The following MAN1A1 variants were observed in gnomAD, a reference collection of about 807,000 sequenced individuals.
MAN1A1 encodes the protein mannosidase alpha class 1A member 1, also known as mannosyl-oligosaccharide 1,2-alpha-mannosidase IA.
MAN1A1 carries 29 observed loss-of-function variants against 70.8 expected under a neutral mutation model. That is an observed-to-expected ratio of 0.41 (90% CI 0.31 to 0.56). The LOEUF (loss-of-function observed/expected upper bound fraction) is 0.56, where lower values mean the gene tolerates loss of function less well. MAN1A1 is among the 20% of genes least tolerant of loss of function. MAN1A1 has a pLI of 0.29. For synonymous variants in MAN1A1, 349 were observed against 330.1 expected (o/e 1.06, Z -0.62); for missense variants, 747 against 841.3 (o/e 0.89, Z 1.39).
At chr6:119,280,145 C>G (rs905902343) in intron 5 of MAN1A1, among the ~76,000 whole-genome samples, 4 of 152,200 alleles carry the variant, frequency 2.6e-5, no homozygotes, top group African/African-American at 4.8e-5. Flanking sequence ...ATGCCCTGGA[C>G]AATCTTACTC....
chr6:119,313,019 A>G (rs1772753158), intron 2 of MAN1A1, among the ~76,000 whole-genome samples: 1 of 152,140 alleles, frequency 6.6e-6, no homozygotes, highest in South Asian at 2.1e-4. Flanking sequence ...ACCTCCTCAG[A>G]GTCCTCCTAG....
intron 11 of MAN1A1, among the ~76,000 whole-genome samples, chr6:119,182,527 T>G (rs953669017): frequency 6.6e-6 from 1 of 152,016 alleles, no homozygotes; most frequent in Non-Finnish European, 1.5e-5. Context: ...AGTTGTTTTT[T>G]TTTTTGTGCT....
intron 6 of MAN1A1, among the ~76,000 whole-genome samples, chr6:119,230,563 T>G (rs61362597): frequency 1.3e-5 from 2 of 152,220 alleles, no homozygotes; most frequent in African/African-American, 4.8e-5. Context: ...ACACATCCCC[T>G]TGATCCCAGC....
chr6:119,328,756 A>G (rs1407520366), intron 2 of MAN1A1, among the ~76,000 whole-genome samples: 1 of 152,214 alleles, frequency 6.6e-6, no homozygotes, highest in East Asian at 1.9e-4. Context: ...TTCATCACAT[A>G]ATGAAGCAGC....
At chr6:119,252,430 G>A (rs901226628) in intron 5 of MAN1A1, among the ~76,000 whole-genome samples, 2 of 152,170 alleles carry the variant, frequency 1.3e-5, no homozygotes, top group African/African-American at 4.8e-5. Context: ...AGGCAGCGGA[G>A]ACAACCTACA....
At chr6:119,346,280 T>C (rs1392522338) in intron 2 of MAN1A1, among the ~76,000 whole-genome samples, 1 of 152,234 alleles carries the variant, frequency 6.6e-6, no homozygotes, top group African/African-American at 2.4e-5. Context: ...GCCAAATATT[T>C]ACAGCACAGT....
At chr6:119,238,619 G>C (rs1312420971) in intron 6 of MAN1A1, among the ~76,000 whole-genome samples, 1 of 152,100 alleles carries the variant, frequency 6.6e-6, no homozygotes, top group Non-Finnish European at 1.5e-5. Flanking sequence ...CCTATTACTT[G>C]ATCAGTTTTG....
intron 5 of MAN1A1, among the ~76,000 whole-genome samples, chr6:119,281,668 C>T (rs1776227936): frequency 1.3e-5 from 2 of 152,156 alleles, no homozygotes; most frequent in Admixed American, 1.3e-4. Context: ...TGAATGATAA[C>T]ACAGGTCTAT....
chr6:119,271,016 A>G (rs531081458), intron 5 of MAN1A1, among the ~76,000 whole-genome samples: 1 of 152,286 alleles, frequency 6.6e-6, no homozygotes, highest in Admixed American at 6.5e-5. Flanking sequence ...ATAGAACACA[A>G]TATTTTTCCA....
intron 2 of MAN1A1, among the ~76,000 whole-genome samples, chr6:119,332,569 C>A (rs1218969119): frequency 6.6e-6 from 1 of 152,162 alleles, no homozygotes; most frequent in Non-Finnish European, 1.5e-5. Flanking sequence ...GTAATCCCAG[C>A]GCTTTGGGAG....
chr6:119,221,472 CTTTT>C (rs5879491), intron 6 of MAN1A1, among the ~76,000 whole-genome samples: 15 of 130,388 alleles, frequency 1.2e-4, no homozygotes, highest in African/African-American at 2.9e-4. Context: ...ATTTTCTTTT[CTTTT>C]TTTTTTTTTT....
At chr6:119,223,229 C>T (rs1007494181) in intron 6 of MAN1A1, among the ~76,000 whole-genome samples, 2 of 152,112 alleles carry the variant, frequency 1.3e-5, no homozygotes, top group Non-Finnish European at 2.9e-5. Context: ...AAAGCTCCTA[C>T]TCATTCTACT....
At chr6:119,235,355 A>T (rs555374993) in intron 6 of MAN1A1, among the ~76,000 whole-genome samples, 1 of 152,226 alleles carries the variant, frequency 6.6e-6, no homozygotes, top group Non-Finnish European at 1.5e-5. Flanking sequence ...TAAGAACGCA[A>T]AACAGCCTTA....
chr6:119,317,520 G>A (rs1221363077), intron 2 of MAN1A1, among the ~76,000 whole-genome samples: 2 of 152,084 alleles, frequency 1.3e-5, no homozygotes, highest in Admixed American at 1.3e-4. Flanking sequence ...TTAGCAACAT[G>A]CATTTAAGGT....
Position 119,178,918 on chromosome 6 carries a change from CA to C in MAN1A1, c.*900del, listed in dbSNP as rs1773075187. ...AAATACAAACAAGTGAACTAAAAGC[CA>C]TATGAAATACCCTCTCTTTAGACAG... On this transcript the variant is annotated 3_prime_UTR_variant, in exon 13 of 13. Transcript: ENST00000368468. 6.6e-6 allele frequency: 1 copy of C among 152,026 alleles called. No individual in the cohort carries two copies. Among genetic ancestry groups the C allele is most frequent in the Non-Finnish European group, 1.5e-5 (1 of 67,944 alleles). The allele number at this position is 152,026 out of a possible 1,614,324, so 9.4% of individuals were successfully genotyped here. A position where few individuals can be genotyped will look rare whatever the true frequency, so the allele number is the denominator to read the frequency against.
At chr6:119,313,618 C>T (rs1772771179) in intron 2 of MAN1A1, among the ~76,000 whole-genome samples, 1 of 151,412 alleles carries the variant, frequency 6.6e-6, no homozygotes, top group Non-Finnish European at 1.5e-5. Context: ...AGCAGTACTG[C>T]CAGATTTAGG....
chr6:119,280,863 G>C (rs2114397929), intron 5 of MAN1A1, among the ~76,000 whole-genome samples: 1 of 152,192 alleles, frequency 6.6e-6, no homozygotes, highest in African/African-American at 2.4e-5. Context: ...CTTTCATTAG[G>C]CTTTTGAAAA....
chr6:119,265,356 C>T (rs1450957569), intron 5 of MAN1A1, among the ~76,000 whole-genome samples: 1 of 152,036 alleles, frequency 6.6e-6, no homozygotes, highest in Non-Finnish European at 1.5e-5. Flanking sequence ...GCCTTGGCCT[C>T]CAAAAGTTCT....
chr6:119,258,760 T>G (rs1555683), intron 5 of MAN1A1, among the ~76,000 whole-genome samples: 2 of 151,968 alleles, frequency 1.3e-5, no homozygotes. Context: ...TTTAAAGACA[T>G]GTTTATCTTT....
Sources: allele counts gnomAD v4.1 joint callset (sites outside exome capture counted in the v4.1 genomes callset), GRCh38; gene constraint gnomAD v4.1.1; transcripts MANE v1.5; gene names NCBI Gene and HGNC (gene_info 2026-07-23, HGNC 2026-07-21).